The following HCN1 variants were observed in gnomAD, a reference collection of about 807,000 sequenced individuals.
HCN1 encodes potassium/sodium hyperpolarization-activated cyclic nucleotide-gated channel 1.
HCN1 carries 13 observed loss-of-function variants against 78.9 expected under a neutral mutation model. That is an observed-to-expected ratio of 0.16 (90% confidence interval 0.11 to 0.26). The LOEUF is 0.26. Among genes scored for constraint, HCN1 ranks in the 10% least tolerant of loss-of-function variants. The probability of loss-of-function intolerance (pLI) is 1.00; values close to 1 mark genes in which losing one functional copy is unlikely to be tolerated. For missense variants in HCN1, 810 were observed against 1,154.3 expected, an observed-to-expected ratio of 0.70 and a Z score of 4.32; for synonymous variants, 552 against 455.5, an observed-to-expected ratio of 1.21 and a Z score of -2.70.
At chr5:45,585,001 T>C (rs1478689835) in intron 2 of HCN1, among the ~76,000 whole-genome samples, 2 of 152,216 alleles carry the variant, frequency 1.3e-5, no homozygotes, top group Non-Finnish European at 2.9e-5. Flanking sequence ...CCGACAATTA[T>C]GTGTCTTGGA....
At chr5:45,548,035 G>T (rs1743265807) in intron 2 of HCN1, among the ~76,000 whole-genome samples, 1 of 151,660 alleles carries the variant, frequency 6.6e-6, no homozygotes, top group Admixed American at 6.6e-5. Flanking sequence ...CATTATCAGA[G>T]ATATAACAGG....
chr5:45,274,853 G>A (rs982404857), intron 6 of HCN1, among the ~76,000 whole-genome samples: 1 of 152,092 alleles, frequency 6.6e-6, no homozygotes, highest in Non-Finnish European at 1.5e-5. Context: ...TGATCATCTT[G>A]CATCTTAGTT....
At chr5:45,372,187 T>TTATATATAATA (rs1747404675) in intron 4 of HCN1, among the ~76,000 whole-genome samples, 1 of 60,310 alleles carries the variant, frequency 1.7e-5, no homozygotes, top group African/African-American at 1.0e-4. Context: ...TATAATATAA[T>TTATATATAATA]ACAATTAATA....
intron 2 of HCN1, among the ~76,000 whole-genome samples, chr5:45,580,055 G>A (rs1161263614): frequency 1.3e-5 from 2 of 152,092 alleles, no homozygotes; most frequent in African/African-American, 2.4e-5. Context: ...CAGTCCCGCT[G>A]AGACCTTCAA....
intron 2 of HCN1, among the ~76,000 whole-genome samples, chr5:45,593,003 T>C (rs1471505093): frequency 1.3e-5 from 2 of 152,212 alleles, no homozygotes; most frequent in African/African-American, 2.4e-5. Context: ...TGCCCAAATA[T>C]TTTTATTTTA....
At chr5:45,375,469 A>G (rs1747608281) in intron 4 of HCN1, among the ~76,000 whole-genome samples, 1 of 98,018 alleles carries the variant, frequency 1.0e-5, no homozygotes, top group Non-Finnish European at 1.8e-5. Flanking sequence ...CATATGATAT[A>G]TAAGATCATA....
chr5:45,373,604 T>C (rs1312868700), intron 4 of HCN1, among the ~76,000 whole-genome samples: 5 of 139,178 alleles, frequency 3.6e-5, no homozygotes, highest in Non-Finnish European at 7.6e-5. Context: ...ATACGGTATA[T>C]ACGTCATCTA....
intron 7 of HCN1, 40 bp downstream of exon 7, chr5:45,267,049 A>AGAT: frequency 6.6e-7 from 1 of 1,518,704 alleles, no homozygotes; most frequent in Non-Finnish European, 9.1e-7. Flanking sequence ...TTATGCCAGG[A>AGAT]GATTAAATTT....
At chr5:45,365,025 T>C (rs1419135911) in intron 4 of HCN1, among the ~76,000 whole-genome samples, 1 of 152,024 alleles carries the variant, frequency 6.6e-6, no homozygotes, top group Non-Finnish European at 1.5e-5. Context: ...CCTGAAGGTG[T>C]TCAATAATTG....
At position 45,488,134 on chromosome 5, in the gene HCN1, T is replaced by C. The variant is rs182032856; in HGVS notation, c.850-26127A>G. On this transcript the variant is annotated intron_variant, in intron 2 of 7. Transcript: ENST00000303230. ...TTTTACATTCTCATTGAGGTCTTCC[T>C]TGACCACCTGGTTTATTATTGCAAA... 9.2e-5 allele frequency among the ~76,000 whole-genome samples: 14 copies of C among 152,240 alleles called. No homozygotes were observed. The East Asian group carries it at 1.9e-3, about 21-fold the overall frequency.
chr5:45,690,651 A>T (rs973512060), intron 1 of HCN1, among the ~76,000 whole-genome samples: 3 of 152,048 alleles, frequency 2.0e-5, no homozygotes, highest in African/African-American at 7.2e-5. Context: ...TTTAGAAGAA[A>T]AGTACTTAGA....
intron 6 of HCN1, among the ~76,000 whole-genome samples, chr5:45,286,190 T>C (rs571810527): frequency 6.6e-6 from 1 of 152,102 alleles, no homozygotes; most frequent in East Asian, 1.9e-4. Flanking sequence ...TAATGTTATC[T>C]TTACCTACTT....
intron 4 of HCN1, among the ~76,000 whole-genome samples, chr5:45,373,826 C>A (rs1469066575): frequency 8.2e-6 from 1 of 121,486 alleles, no homozygotes; most frequent in Admixed American, 9.6e-5. Flanking sequence ...ACGGTATATA[C>A]GTCATCTATA....
intron 1 of HCN1, among the ~76,000 whole-genome samples, chr5:45,691,907 A>G (rs953665209): frequency 2.0e-5 from 3 of 152,206 alleles, no homozygotes; most frequent in African/African-American, 7.2e-5. Context: ...TCCCATCTCT[A>G]GAGTCCTTGA....
chr5:45,640,005 C>G (rs1745422392), intron 2 of HCN1, among the ~76,000 whole-genome samples: 1 of 152,154 alleles, frequency 6.6e-6, no homozygotes, highest in South Asian at 2.1e-4. Context: ...ACTCTTCTCC[C>G]TGGTCCACTT....
intron 5 of HCN1, among the ~76,000 whole-genome samples, chr5:45,318,057 A>G (rs1746035530): frequency 6.6e-6 from 1 of 152,202 alleles, no homozygotes; most frequent in African/African-American, 2.4e-5. Flanking sequence ...CAGCCATCCC[A>G]TTATTGGGTA....
chr5:45,314,940 C>T (rs1271213432), intron 5 of HCN1, among the ~76,000 whole-genome samples: 1 of 152,122 alleles, frequency 6.6e-6, no homozygotes, highest in African/African-American at 2.4e-5. Flanking sequence ...TACAAAGAGA[C>T]CTAGACTCCC....
chr5:45,274,042 T>TAA (rs1309710610), intron 6 of HCN1, among the ~76,000 whole-genome samples: 5 of 152,174 alleles, frequency 3.3e-5, no homozygotes, highest in Non-Finnish European at 5.9e-5. Context: ...TACAGTACTT[T>TAA]AATGCATTTC....
intron 1 of HCN1, among the ~76,000 whole-genome samples, chr5:45,671,950 C>T (rs939708474): frequency 1.7e-4 from 26 of 151,602 alleles, no homozygotes; most frequent in Non-Finnish European, 1.6e-4. Context: ...AAGATATTTA[C>T]GCCAAGAAAA....
Sources: allele counts gnomAD v4.1 joint callset (sites outside exome capture counted in the v4.1 genomes callset), GRCh38; gene constraint gnomAD v4.1.1; transcripts MANE v1.5; gene names NCBI Gene and HGNC (gene_info 2026-07-23, HGNC 2026-07-21).